Variants in HDAC9 observed in about 807,000 individuals in gnomAD.
HDAC9 encodes the protein histone deacetylase 9.
HDAC9 carries 41 observed loss-of-function variants against 139.4 expected under a neutral mutation model. The ratio of observed to expected loss-of-function variants is 0.29; its 90% CI spans 0.23 to 0.38. The LOEUF is 0.38. Ranked by LOEUF, HDAC9 falls within the 10% of genes least tolerant of loss-of-function variation. The probability of loss-of-function intolerance (pLI) is 1.00; values close to 1 mark genes in which losing one functional copy is unlikely to be tolerated. For missense variants in HDAC9, 1,147 were observed against 1,297.0 expected, an observed-to-expected ratio of 0.88 and a Z score of 1.78; for synonymous variants, 517 against 476.2, an observed-to-expected ratio of 1.09 and a Z score of -1.12.
chr7:18,831,884 G>T (rs942155224), intron 19 of HDAC9, among the ~76,000 whole-genome samples: 16 of 152,096 alleles, frequency 1.1e-4, no homozygotes, highest in African/African-American at 3.9e-4. Context: ...AAATTACAGC[G>T]CCAATAGATG....
At chr7:18,292,275 C>G (rs544048811) in intron 1 of HDAC9, among the ~76,000 whole-genome samples, 2 of 152,182 alleles carry the variant, frequency 1.3e-5, no homozygotes, top group African/African-American at 4.8e-5. Context: ...AGCTAAGCTA[C>G]TTACCCAGCT....
intron 16 of HDAC9, among the ~76,000 whole-genome samples, chr7:18,789,281 T>TAC (rs1458054871): frequency 5.9e-4 from 31 of 52,342 alleles, no homozygotes; most frequent in Non-Finnish European, 4.4e-4. Flanking sequence ...CGCAGACACA[T>TAC]ACACGCACAC....
chr7:18,273,054 TCG>T (rs1491234470), intron 2 of HDAC9, among the ~76,000 whole-genome samples: 3 of 109,930 alleles, frequency 2.7e-5, no homozygotes, highest in African/African-American at 6.8e-5. Flanking sequence ...TTCCCCTTCT[TCG>T]TTTTTTTTTT....
chr7:18,878,069 A>G (rs1049046273), intron 22 of HDAC9, among the ~76,000 whole-genome samples: 1 of 152,186 alleles, frequency 6.6e-6, no homozygotes, highest in Non-Finnish European at 1.5e-5. Context: ...GCTGATTCAG[A>G]TATAGTTGTC....
At chr7:18,414,943 C>T (rs1348316628) in intron 1 of HDAC9, among the ~76,000 whole-genome samples, 1 of 152,126 alleles carries the variant, frequency 6.6e-6, no homozygotes, top group African/African-American at 2.4e-5. Context: ...CTCTGCTTTC[C>T]GTGGCTTCCT....
At chr7:18,498,568 C>T (rs1308200871) in intron 2 of HDAC9, among the ~76,000 whole-genome samples, 1 of 152,004 alleles carries the variant, frequency 6.6e-6, no homozygotes, top group Non-Finnish European at 1.5e-5. Context: ...CCCTTTTGGA[C>T]CAGTGGTCTG....
chr7:18,835,263 A>G (rs1420956832), intron 19 of HDAC9, among the ~76,000 whole-genome samples: 1 of 152,140 alleles, frequency 6.6e-6, no homozygotes, highest in African/African-American at 2.4e-5. Flanking sequence ...TGAGTGCATT[A>G]AAGGGTAATT....
intron 12 of HDAC9, among the ~76,000 whole-genome samples, chr7:18,691,785 CAT>C (rs1368871270): frequency 6.6e-6 from 1 of 151,970 alleles, no homozygotes; most frequent in Non-Finnish European, 1.5e-5. Context: ...TTCAAGCTAA[CAT>C]AGACTGCAGT....
At chr7:18,817,273 A>G (rs976635497) in intron 17 of HDAC9, among the ~76,000 whole-genome samples, 1 of 152,100 alleles carries the variant, frequency 6.6e-6, no homozygotes, top group Non-Finnish European at 1.5e-5. Context: ...TGACCTCGTG[A>G]TCCGCCCACC....
chr7:18,892,726 A>G (rs2129271198), intron 22 of HDAC9: 1 of 152,310 alleles, frequency 6.6e-6, no homozygotes, highest in East Asian at 1.9e-4. Flanking sequence ...TTAAGAAGCA[A>G]TACAAAGTGG....
chr7:18,511,417 T>C (rs753367346), intron 2 of HDAC9, among the ~76,000 whole-genome samples: 1 of 152,100 alleles, frequency 6.6e-6, no homozygotes, highest in Non-Finnish European at 1.5e-5. Flanking sequence ...TCTATCTCAG[T>C]TCAGTCTTAG....
At chr7:18,574,682 G>T (rs1388595655) in intron 2 of HDAC9, among the ~76,000 whole-genome samples, 3 of 152,326 alleles carry the variant, frequency 2.0e-5, no homozygotes, top group Non-Finnish European at 4.4e-5. Flanking sequence ...ATGCTCTTTG[G>T]TGCCCAAGTC....
intron 1 of HDAC9, among the ~76,000 whole-genome samples, chr7:18,374,525 C>T (rs114403643): frequency 0.01 from 1,594 of 152,018 alleles, 24 homozygotes; most frequent in African/African-American, 0.036. Context: ...AATTGTAAAA[C>T]AATGGTAAGT....
chr7:18,177,095 A>C (rs78540777), intron 2 of HDAC9, among the ~76,000 whole-genome samples: 1 of 152,178 alleles, frequency 6.6e-6, no homozygotes, highest in East Asian at 1.9e-4. Context: ...CCGCCTACCC[A>C]TCTGCCTTCC....
intron 1 of HDAC9, among the ~76,000 whole-genome samples, chr7:18,358,173 G>C (rs1322796964): frequency 1.3e-5 from 2 of 152,118 alleles, no homozygotes; most frequent in South Asian, 4.1e-4. Context: ...GGGCAACAGA[G>C]AGATACTCCA....
chr7:18,938,517 C>T (rs1253014144), intron 23 of HDAC9, among the ~76,000 whole-genome samples: 1 of 151,180 alleles, frequency 6.6e-6, no homozygotes, highest in African/African-American at 2.4e-5. Flanking sequence ...ATGGCATGAA[C>T]CCGAGAGGTG....
At chr7:18,799,442 T>C (rs1793101826) in intron 17 of HDAC9, among the ~76,000 whole-genome samples, 1 of 152,212 alleles carries the variant, frequency 6.6e-6, no homozygotes, top group African/African-American at 2.4e-5. Context: ...TAACTGTCCC[T>C]GAGTTAGCTC....
chr7:18,702,905 C>T (rs902807930), intron 12 of HDAC9, among the ~76,000 whole-genome samples: 2 of 152,184 alleles, frequency 1.3e-5, no homozygotes, highest in Admixed American at 6.5e-5. Context: ...AAAAGAGTTA[C>T]ATCTTTTGAA....
intron 1 of HDAC9, among the ~76,000 whole-genome samples, chr7:18,152,276 G>C (rs1024460852): frequency 2.0e-5 from 3 of 152,062 alleles, no homozygotes; most frequent in Non-Finnish European, 4.4e-5. Context: ...GTAACTATTA[G>C]AGCCAGCAAC....
Sources: allele counts gnomAD v4.1 joint callset (sites outside exome capture counted in the v4.1 genomes callset), GRCh38; gene constraint gnomAD v4.1.1; transcripts MANE v1.5; gene names NCBI Gene and HGNC (gene_info 2026-07-23, HGNC 2026-07-21).